The following FRY variants were observed in gnomAD, a reference collection of about 807,000 sequenced individuals.
FRY encodes the protein protein furry homolog.
FRY carries 128 observed loss-of-function variants against 348.4 expected under a neutral mutation model. That is an observed-to-expected ratio of 0.37 (90% CI 0.32 to 0.43). The LOEUF is 0.43. Ranked by LOEUF, FRY falls within the 20% of genes least tolerant of loss-of-function variation. The pLI is 1.00. For synonymous variants in FRY, 1,370 were observed against 1,374.7 expected, an observed-to-expected ratio of 1.00 and a Z score of 0.08; for missense variants, 2,736 against 3,695.2, an observed-to-expected ratio of 0.74 and a Z score of 6.73.
At chr13:32,098,024 C>T (rs1041915895) in intron 2 of FRY, among the ~76,000 whole-genome samples, 1 of 152,066 alleles carries the variant, frequency 6.6e-6, no homozygotes, top group Non-Finnish European at 1.5e-5. Flanking sequence ...CTGGACACCA[C>T]TGTCCTAGAA....
chr13:32,118,563 G>A (rs117992963), intron 4 of FRY, among the ~76,000 whole-genome samples: 5,256 of 151,928 alleles, frequency 0.035, 93 homozygotes, highest in African/African-American at 0.049. Context: ...TAACTTTTTC[G>A]TATTGAATTT....
chr13:32,150,177 C>T (rs1035721253), intron 14 of FRY, among the ~76,000 whole-genome samples: 4 of 151,974 alleles, frequency 2.6e-5, no homozygotes, highest in Admixed American at 6.6e-5. Context: ...AATTTAGCAT[C>T]GGGAAGTGAT....
At chr13:32,144,947 A>AG (rs1329339830) in intron 11 of FRY, among the ~76,000 whole-genome samples, 1 of 150,938 alleles carries the variant, frequency 6.6e-6, no homozygotes, top group Non-Finnish European at 1.5e-5. Context: ...CTGGAATTGA[A>AG]GGCATCAGGG....
intron 36 of FRY, among the ~76,000 whole-genome samples, chr13:32,223,203 C>A (rs1265288223): frequency 6.6e-6 from 1 of 152,052 alleles, no homozygotes; most frequent in Non-Finnish European, 1.5e-5. Context: ...AGTGATCTAC[C>A]CGCCTTGGCC....
rs76594135 is a variant in FRY at position 32,270,911 on chromosome 13, A to G, written c.8136+3552A>G. On this transcript the variant is annotated intron_variant, in intron 55 of 60. Coordinates refer to ENST00000542859, the MANE Select transcript of FRY (RefSeq NM_023037.3). ...CACTAGGTGCTCAGTAAATGTAGGA[A>G]GAATAAATGGAAACCTTAAACACAC... Among the ~76,000 whole-genome samples, 296 of 152,364 alleles carry G rather than the reference A, an allele frequency of 1.9e-3. 10 individuals carry two copies. In the East Asian group the frequency reaches 0.041, roughly 21 times the overall value.
intron 31 of FRY, among the ~76,000 whole-genome samples, chr13:32,205,593 AAGGCCTTGTGTACACTACAAGGTT>A (rs1456710351): frequency 1.3e-5 from 2 of 152,104 alleles, no homozygotes; most frequent in Non-Finnish European, 2.9e-5. Flanking sequence ...ATTATCTTGG[AAGGCCTTGTGTACACTACAAGGTT>A]TGTAGGCCAG....
intron 55 of FRY, among the ~76,000 whole-genome samples, chr13:32,268,515 T>A (rs1273422313): frequency 0.016 from 501 of 31,498 alleles, 8 homozygotes; most frequent in Middle Eastern, 0.042. Flanking sequence ...AATATATATA[T>A]ATATATATAT....
intron 8 of FRY, 38 bp downstream of exon 8, chr13:32,131,878 T>G (rs367919814): frequency 6.7e-6 from 10 of 1,491,966 alleles, no homozygotes; most frequent in Middle Eastern, 1.7e-4. Context: ...TGCTCTCAAC[T>G]TGAGCACTTC....
chr13:32,292,649 A>G (rs1411308387), intron 59 of FRY, among the ~76,000 whole-genome samples: 1 of 151,914 alleles, frequency 6.6e-6, no homozygotes, highest in Non-Finnish European at 1.5e-5. Context: ...AAAACTAGCC[A>G]GGCATGGTAG....
At chr13:32,115,044 T>C (rs1334971364) in intron 3 of FRY, among the ~76,000 whole-genome samples, 1 of 152,230 alleles carries the variant, frequency 6.6e-6, no homozygotes, top group South Asian at 2.1e-4. Context: ...TTTTACCTTA[T>C]ATTAACTCAT....
chr13:32,208,830 T>C (rs1884508875), intron 31 of FRY, 23 bp from the exon 32 acceptor site: 1 of 1,613,814 alleles, frequency 6.2e-7, no homozygotes, highest in Non-Finnish European at 8.5e-7. Flanking sequence ...TGGATGACTC[T>C]CTGTCACTGC....
At position 32,265,508 on chromosome 13, in the gene FRY, C is replaced by T. The variant is rs368328470; in HGVS notation, c.7838C>T (p.Ser2613Phe). Residue 2613 changes from serine to phenylalanine, a missense_variant, in exon 54 of 61, where the codon TCC becomes TTC. Ser to Phe is a radical substitution (Grantham distance 155, BLOSUM62 -2). This residue lies in a region of FRY where 789 missense variants were observed against 996.2 expected (regional missense o/e 0.79). Transcript: ENST00000542859. ...TTVHEDDLSS[S>F]INELPAAFEC... Reference sequence around the variant, plus strand: ...GTGCATGAGGATGATCTTTCTAGTTCCATCAATGAACTCCCAGCAGCTTTT... The same window carrying T: ...GTGCATGAGGATGATCTTTCTAGTTTCATCAATGAACTCCCAGCAGCTTTT... The T allele has an allele frequency of 4.0e-5, 64 of 1,614,004 alleles. No individual in the cohort carries two copies. The highest frequency in any genetic ancestry group is 4.7e-5 in the Non-Finnish European group (56 of 1,179,996).
In FRY at chr13:32,237,239, A is replaced by G. The variant is rs1886271247; in HGVS notation, c.5811-140A>G. 4 of 865,420 alleles carry G rather than the reference A, an allele frequency of 4.6e-6. No individual in the cohort carries two copies. Among genetic ancestry groups the G allele is most frequent in the Admixed American group, 2.3e-5 (1 of 43,998 alleles). The allele number at this position is 865,420 out of a possible 1,614,324, so 53.6% of individuals were successfully genotyped here. A position where few individuals can be genotyped will look rare whatever the true frequency, so the allele number is the denominator to read the frequency against. ...TGTTTTGTTTTTTATAGCTTTAAAG[A>G]TAAGGAAAAATAAATGAATAGAAAG... is the stretch of plus-strand genomic sequence containing the variant. On this transcript the variant is annotated intron_variant, in intron 43 of 60. Transcript: ENST00000542859. This position sits in a 1 kb window ranked among gnomAD's most constrained non-coding sequence, Gnocchi z 6.3.
chr13:32,178,597 A>G (rs1462255856), intron 21 of FRY, among the ~76,000 whole-genome samples, 161 bp downstream of exon 21: 1 of 152,194 alleles, frequency 6.6e-6, no homozygotes, highest in Non-Finnish European at 1.5e-5. Context: ...TTTTGTCTAA[A>G]GCTAGTGGTT....
chr13:32,073,060 G>A (rs534659929), intron 1 of FRY, among the ~76,000 whole-genome samples: 6 of 152,132 alleles, frequency 3.9e-5, no homozygotes, highest in Admixed American at 1.3e-4. Flanking sequence ...AAATACTCTG[G>A]GTAAAATTCC....
At chr13:32,255,548 C>T (rs992750027) in intron 51 of FRY, among the ~76,000 whole-genome samples, 7 of 152,202 alleles carry the variant, frequency 4.6e-5, no homozygotes, top group Admixed American at 1.3e-4. Context: ...TTCACCAATT[C>T]TTTCCCTGGA....
intron 30 of FRY, 49 bp from the exon 31 acceptor site, chr13:32,202,307 C>A (rs373517539): frequency 3.6e-6 from 5 of 1,372,048 alleles, no homozygotes; most frequent in Non-Finnish European, 5.2e-6. Context: ...CATGAGATAT[C>A]CAGCTAATGC....
intron 1 of FRY, among the ~76,000 whole-genome samples, chr13:32,078,517 C>T (rs187805184): frequency 1.3e-4 from 20 of 152,098 alleles, no homozygotes; most frequent in Middle Eastern, 3.4e-3. Context: ...CTGCTGTTTC[C>T]GTAGAACCAA....
chr13:32,135,028 T>C, intron 9 of FRY, 32 bp downstream of exon 9: 1 of 1,566,608 alleles, frequency 6.4e-7, no homozygotes, highest in Non-Finnish European at 8.8e-7. Flanking sequence ...TCCTTCAAAT[T>C]GTATCACAAA....
Sources: gnomAD v4.1 joint callset for allele counts (sites outside exome capture counted in the v4.1 genomes callset) on GRCh38, gnomAD v4.1.1 for gene constraint, gnomAD v4.1.1 regional missense constraint, Gnocchi (gnomAD v3.1) non-coding constraint, MANE v1.5 for transcripts, NCBI Gene and HGNC (gene_info 2026-07-23, HGNC 2026-07-21) for gene names.